Variants in PRIM2 observed in about 807,000 individuals in gnomAD.
The protein encoded by PRIM2 is DNA primase large subunit.
In PRIM2, 39 loss-of-function variants were observed where a neutral mutation model predicts 67.3. The ratio of observed to expected loss-of-function variants is 0.58; its 90% CI spans 0.45 to 0.76. The LOEUF is 0.76. Ranked by LOEUF, PRIM2 falls within the 30% of genes least tolerant of loss-of-function variation. The pLI is 0.00. For missense variants in PRIM2, 398 were observed against 598.7 expected, an observed-to-expected ratio of 0.66 and a Z score of 3.50; for synonymous variants, 143 against 198.7, an observed-to-expected ratio of 0.72 and a Z score of 2.36.
chr6:57,637,088 C>G (rs1777135428), intron 13 of PRIM2, among the ~76,000 whole-genome samples: 1 of 152,342 alleles, frequency 6.6e-6, no homozygotes. Context: ...TGTTCTGCAG[C>G]CTCCACTGGT....
At chr6:57,472,393 CAAA>C (rs1281311931) in intron 7 of PRIM2, among the ~76,000 whole-genome samples, 7 of 136,070 alleles carry the variant, frequency 5.1e-5, no homozygotes, top group Admixed American at 7.3e-5. Context: ...TTGCGTGTGT[CAAA>C]AAAAAAAAAA....
chr6:57,459,586 G>A (rs1243478049), intron 7 of PRIM2, among the ~76,000 whole-genome samples: 1 of 152,174 alleles, frequency 6.6e-6, no homozygotes, highest in Non-Finnish European at 1.5e-5. Context: ...GAGGGCTGAA[G>A]TCTGTAGGGC....
chr6:57,423,595 A>AC (rs1771529038), intron 7 of PRIM2, among the ~76,000 whole-genome samples: 1 of 152,190 alleles, frequency 6.6e-6, no homozygotes, highest in South Asian at 2.1e-4. Flanking sequence ...GCTAGGTAAT[A>AC]GGGTTTATGT....
chr6:57,364,910 A>G (rs1239542774), intron 5 of PRIM2, among the ~76,000 whole-genome samples: 1 of 152,092 alleles, frequency 6.6e-6, no homozygotes, highest in Non-Finnish European at 1.5e-5. Context: ...TGTTTTGTCC[A>G]TCATTTTTGT....
chr6:57,409,962 T>C (rs1278728278), intron 7 of PRIM2, among the ~76,000 whole-genome samples: 1 of 152,224 alleles, frequency 6.6e-6, no homozygotes, highest in Non-Finnish European at 1.5e-5. Flanking sequence ...ATGTTTTGGT[T>C]AGGTTTTAGA....
chr6:57,624,696 C>G (rs1776916574), intron 12 of PRIM2, among the ~76,000 whole-genome samples: 1 of 152,098 alleles, frequency 6.6e-6, no homozygotes, highest in African/African-American at 2.4e-5. Flanking sequence ...GGATTGTATT[C>G]CATTTACTGT....
intron 7 of PRIM2, among the ~76,000 whole-genome samples, chr6:57,383,900 C>T (rs1250433371): frequency 6.6e-6 from 1 of 152,222 alleles, no homozygotes; most frequent in Non-Finnish European, 1.5e-5. Flanking sequence ...TAGCAGAAAG[C>T]ATCCTGGTAC....
rs544034130 is a variant in PRIM2, at chr6:57,381,594, T to G, written c.556-437T>G. On this transcript the variant is annotated intron_variant, in intron 6 of 13. Transcript: ENST00000615550. ...TCTGGAGTGAGAATGGAAACATACA[T>G]GAAGAAATTGGAATTTACTTACAAG... 2.6e-5 allele frequency among the ~76,000 whole-genome samples: 4 copies of G among 151,618 alleles called. No homozygotes were observed. The East Asian group carries it at 5.8e-4, about 22-fold the overall frequency.
chr6:57,406,285 C>T (rs1770888818), intron 7 of PRIM2, among the ~76,000 whole-genome samples: 1 of 152,132 alleles, frequency 6.6e-6, no homozygotes, highest in South Asian at 2.1e-4. Context: ...ATCTTCCTGC[C>T]TGCTCCATTC....
the PRIM2 span, among the ~76,000 whole-genome samples, chr6:57,252,463 C>T: frequency 9.9e-5 from 15 of 151,704 alleles, no homozygotes; most frequent in Admixed American, 3.9e-4. Flanking sequence ...TTTTTTGAGA[C>T]GCAGTCTCGC....
intron 8 of PRIM2, among the ~76,000 whole-genome samples, chr6:57,531,297 C>T (rs1413729837): frequency 6.6e-6 from 1 of 152,162 alleles, no homozygotes; most frequent in African/African-American, 2.4e-5. Context: ...GGACTACAGG[C>T]ATGCCACCAT....
chr6:57,451,141 AATT>A (rs1363314903), intron 7 of PRIM2, among the ~76,000 whole-genome samples: 2 of 151,884 alleles, frequency 1.3e-5, no homozygotes, highest in African/African-American at 2.4e-5. Context: ...ATTTTGTTTT[AATT>A]ATTATTATTT....
the PRIM2 span, among the ~76,000 whole-genome samples, chr6:57,271,179 A>G: frequency 5.3e-5 from 8 of 152,156 alleles, no homozygotes; most frequent in African/African-American, 1.7e-4. Context: ...TTCTCTATTC[A>G]TTGGACTAGT....
chr6:57,301,024 A>G, the PRIM2 span, among the ~76,000 whole-genome samples: 1 of 152,224 alleles, frequency 6.6e-6, no homozygotes, highest in African/African-American at 2.4e-5. Flanking sequence ...AAACAGAAGT[A>G]AGATCTGACG....
intron 5 of PRIM2, among the ~76,000 whole-genome samples, chr6:57,331,113 G>A (rs576348448): frequency 1.1e-4 from 17 of 151,782 alleles, no homozygotes; most frequent in Admixed American, 5.2e-4. Context: ...GTTTGAACCC[G>A]GGAGGTGGAT....
chr6:57,530,858 A>G (rs1416697288), intron 8 of PRIM2, among the ~76,000 whole-genome samples: 2 of 151,964 alleles, frequency 1.3e-5, no homozygotes, highest in Non-Finnish European at 2.9e-5. Flanking sequence ...ACACACCACC[A>G]TGCCTGGCCA....
At chr6:57,612,873 C>T (rs1776691374) in intron 12 of PRIM2, among the ~76,000 whole-genome samples, 1 of 147,416 alleles carries the variant, frequency 6.8e-6, no homozygotes, top group African/African-American at 2.5e-5. Context: ...TATCTTATTG[C>T]AACCTCGAAC....
Position 57,513,668 on chromosome 6 carries a change from C to T in PRIM2, c.761+6214C>T, listed in dbSNP as rs1172765177. Reference sequence around the variant, plus strand: ...CAGCACTTTGGGAGGCTGAGGCAGGCAGATCACTTGAGGCCAGGAGTTCAA... The same window carrying T: ...CAGCACTTTGGGAGGCTGAGGCAGGTAGATCACTTGAGGCCAGGAGTTCAA... On this transcript the variant is annotated intron_variant, in intron 8 of 13. Transcript: ENST00000615550. Among the ~76,000 whole-genome samples, 236 of 152,190 alleles carry T rather than the reference C, an allele frequency of 1.6e-3. 1 individual carries two copies. The highest frequency in any genetic ancestry group is 4.7e-3 in the African/African-American group (197 of 41,532).
chr6:57,250,118 G>T, the PRIM2 span, among the ~76,000 whole-genome samples: 1 of 152,208 alleles, frequency 6.6e-6, no homozygotes, highest in Non-Finnish European at 1.5e-5. Flanking sequence ...AGTCCTGTGT[G>T]CCTGGACACT....
Sources: gnomAD v4.1 joint callset for allele counts (sites outside exome capture counted in the v4.1 genomes callset) on GRCh38, gnomAD v4.1.1 for gene constraint, MANE v1.5 for transcripts, NCBI Gene and HGNC (gene_info 2026-07-23, HGNC 2026-07-21) for gene names.